The following PAX7 variants were observed in gnomAD, a reference collection of about 807,000 sequenced individuals.
The protein encoded by PAX7 is paired box protein Pax-7.
In PAX7, 18 loss-of-function variants were observed where a neutral mutation model predicts 50.7. The observed-to-expected ratio is 0.36, with a 90% CI of 0.25 to 0.53. The LOEUF (loss-of-function observed/expected upper bound fraction) is 0.53. Among genes scored for constraint, PAX7 ranks in the 20% least tolerant of loss-of-function variants. The pLI is 0.93. For missense variants in PAX7, 644 were observed against 702.9 expected, an observed-to-expected ratio of 0.92 and a Z score of 0.95; for synonymous variants, 310 against 290.4, an observed-to-expected ratio of 1.07 and a Z score of -0.69.
chr1:18,705,729 G>T (rs112596472), intron 7 of PAX7, among the ~76,000 whole-genome samples: 1 of 152,320 alleles, frequency 6.6e-6, no homozygotes, highest in South Asian at 2.1e-4. Context: ...GAGACTTCAG[G>T]GTTGGATGAC....
intron 7 of PAX7, among the ~76,000 whole-genome samples, chr1:18,718,929 G>A (rs1052094521): frequency 2.0e-5 from 3 of 151,976 alleles, no homozygotes; most frequent in South Asian, 2.1e-4. Context: ...CATGAGCCAC[G>A]GCACCCAGCC....
At chr1:18,699,941 C>T (rs1391514467) in intron 5 of PAX7, among the ~76,000 whole-genome samples, 1 of 152,168 alleles carries the variant, frequency 6.6e-6, no homozygotes, top group African/African-American at 2.4e-5. Flanking sequence ...CTCTGTGAGC[C>T]TTGGTTTCCC....
chr1:18,649,730 T>C lies in PAX7; in HGVS notation c.586+13359T>C, dbSNP rs117048577. On this transcript the variant is annotated intron_variant, in intron 4 of 8. Transcript: ENST00000420770. ...GTCCACCATCCGGGGAACTGTCCTT[T>C]CAACAGCAAGGGAAAATAAAGCCCA... Among the ~76,000 whole-genome samples the C allele has an allele frequency of 5.5e-4, 84 of 152,324 alleles. 4 individuals are homozygous for C. The East Asian group carries it at 0.015, about 28-fold the overall frequency.
chr1:18,680,057 G>A (rs1023508011), intron 4 of PAX7, among the ~76,000 whole-genome samples: 2 of 152,124 alleles, frequency 1.3e-5, no homozygotes, highest in African/African-American at 4.8e-5. Context: ...CTGTGGGGTT[G>A]GTACTATTCT....
rs1285071041 is a variant in PAX7 at position 18,691,967 on chromosome 1, TGCGG to T, written c.786+15_786+18del. 2.5e-6 allele frequency: 4 copies of T among 1,608,848 alleles called. No homozygotes were observed. Among genetic ancestry groups the T allele is most frequent in the Admixed American group, 1.7e-5 (1 of 59,330 alleles). ...GCGCGTGTGCAGGTGAGGAGGCACC[TGCGG>T]TGTCGGTGCTGCAGATATACTCCAG... is the stretch of plus-strand genomic sequence containing the variant. On this transcript the variant is annotated intron_variant, in intron 5 of 8. Coordinates refer to ENST00000420770, the MANE Select transcript of PAX7 (RefSeq NM_001135254.2).
At chr1:18,702,944 G>C (rs2089239746) in intron 6 of PAX7, 150 bp from the exon 7 acceptor site, 3 of 710,890 alleles carry the variant, frequency 4.2e-6, no homozygotes, top group Non-Finnish European at 7.1e-6. Context: ...GAGCCAACTT[G>C]TCTCATCCCA....
At chr1:18,695,559 G>T (rs188731344) in intron 5 of PAX7, among the ~76,000 whole-genome samples, 111 of 152,322 alleles carry the variant, frequency 7.3e-4, no homozygotes, top group Non-Finnish European at 7.9e-4. Flanking sequence ...AGGAGCCTCT[G>T]CTTGAAGCCT....
At chr1:18,704,347 G>A (rs1024212249) in intron 7 of PAX7, among the ~76,000 whole-genome samples, 30 of 152,180 alleles carry the variant, frequency 2.0e-4, no homozygotes, top group East Asian at 1.9e-3. Context: ...AAGGCCGAGC[G>A]TGGTGGCTCA....
intron 8 of PAX7, among the ~76,000 whole-genome samples, chr1:18,743,905 C>A (rs1029977914): frequency 2.6e-5 from 4 of 152,168 alleles, no homozygotes; most frequent in Non-Finnish European, 5.9e-5. Flanking sequence ...TGTGTGTGTG[C>A]AAATGTTGCT....
At chr1:18,676,181 C>T (rs2088818978) in intron 4 of PAX7, among the ~76,000 whole-genome samples, 1 of 152,184 alleles carries the variant, frequency 6.6e-6, no homozygotes, top group Non-Finnish European at 1.5e-5. Flanking sequence ...CCAGCCTCCC[C>T]CTGCCATCTT....
At position 18,703,145 on chromosome 1, in the gene PAX7, A is replaced by C; in HGVS notation, c.1004A>C (p.His335Pro). The C allele has an allele frequency of 2.5e-6, 4 of 1,613,888 alleles. No homozygotes were observed. Among genetic ancestry groups the C allele is most frequent in the Middle Eastern group, 1.7e-4 (1 of 6,060 alleles). The change falls in exon 7 of 9, where the codon CAC becomes CCC. Residue 335 changes from histidine to proline, a missense_variant. Transcript: ENST00000420770. Reference sequence around the variant, plus strand: ...CAGCCCCTGCCACCGTCCACCATGCACCAGGGCGGGCTGGCTGCAGCGGCT... The same window carrying C: ...CAGCCCCTGCCACCGTCCACCATGCCCCAGGGCGGGCTGGCTGCAGCGGCT... The part of the protein sequence containing the change: ...RPQPLPPSTM[H>P]QGGLAAAAAA...
At chr1:18,716,868 C>A (rs866717259) in intron 7 of PAX7, among the ~76,000 whole-genome samples, 5 of 151,286 alleles carry the variant, frequency 3.3e-5, no homozygotes, top group African/African-American at 1.2e-4. Context: ...CCCTCTCCCC[C>A]ACCCCCGTGT....
At chr1:18,712,693 T>C (rs988458676) in intron 7 of PAX7, among the ~76,000 whole-genome samples, 2 of 152,176 alleles carry the variant, frequency 1.3e-5, no homozygotes, top group African/African-American at 2.4e-5. Context: ...CCTTGCCTCC[T>C]TTCTTAGAGA....
chr1:18,672,088 C>A (rs1454367411), intron 4 of PAX7, among the ~76,000 whole-genome samples: 3 of 152,162 alleles, frequency 2.0e-5, no homozygotes, highest in Non-Finnish European at 4.4e-5. Flanking sequence ...ATGGCACATA[C>A]AGGGCACTCT....
intron 4 of PAX7, among the ~76,000 whole-genome samples, chr1:18,665,548 GTA>G (rs1185033754): frequency 6.6e-6 from 1 of 151,292 alleles, no homozygotes; most frequent in Non-Finnish European, 1.5e-5. Flanking sequence ...GCTAATTTTT[GTA>G]TGTTTAGTAG....
At chr1:18,694,494 A>G (rs2089124952) in intron 5 of PAX7, among the ~76,000 whole-genome samples, 1 of 149,462 alleles carries the variant, frequency 6.7e-6, no homozygotes, top group African/African-American at 2.4e-5. Flanking sequence ...ATAAATAAAT[A>G]AATAAATAAA....
chr1:18,717,544 C>T (rs2089443447), intron 7 of PAX7, among the ~76,000 whole-genome samples: 1 of 152,172 alleles, frequency 6.6e-6, no homozygotes, highest in Non-Finnish European at 1.5e-5. Flanking sequence ...AGAAGTTTGC[C>T]CTGACCTGGC....
chr1:18,746,529 C>A lies in PAX7; in HGVS notation c.*1600C>A, dbSNP rs1056345132. ...GTCACTGTAATCTACATTCCATCAC[C>A]TTTATCAGGTGCTGCTGAGTACAAA... On this transcript the variant is annotated 3_prime_UTR_variant, in exon 9 of 9. Coordinates refer to ENST00000420770, the MANE Select transcript of PAX7 (RefSeq NM_001135254.2). The A allele has an allele frequency of 3.5e-5, 8 of 231,118 alleles. No homozygotes were observed. In the South Asian group the frequency reaches 9.1e-4, roughly 26 times the overall value. 14.3% of individuals were successfully genotyped at this position (231,118 alleles called of 1,614,324 possible).
chr1:18,746,330 T>G lies in PAX7; in HGVS notation c.*1401T>G, dbSNP rs147594508. ...CTGGGCAGAGGAAGATGTCAACAATTCCAGAGCAGAGGGAAGAGGCACCTT... is the reference window on the plus strand; with the variant it reads ...CTGGGCAGAGGAAGATGTCAACAATGCCAGAGCAGAGGGAAGAGGCACCTT... On this transcript the variant is annotated 3_prime_UTR_variant, in exon 9 of 9. Transcript: ENST00000420770. 692 of 230,320 alleles carry G rather than the reference T, an allele frequency of 3.0e-3. 2 individuals carry two copies. Among genetic ancestry groups the G allele is most frequent in the Non-Finnish European group, 3.7e-3 (427 of 116,252 alleles). The allele number at this position is 230,320 out of a possible 1,614,324, so 14.3% of individuals were successfully genotyped here.
Sources: gnomAD v4.1 joint callset for allele counts (sites outside exome capture counted in the v4.1 genomes callset) on GRCh38, gnomAD v4.1.1 for gene constraint, MANE v1.5 for transcripts, NCBI Gene and HGNC (gene_info 2026-07-23, HGNC 2026-07-21) for gene names.